AGBL4: variants seen among roughly 807,000 people sequenced by gnomAD.
AGBL4 encodes cytosolic carboxypeptidase 6.
Under a neutral mutation model 66.4 loss-of-function variants are expected in AGBL4, and 58 were observed. The observed-to-expected ratio is 0.87, with a 90% CI of 0.71 to 1.09. AGBL4 has a LOEUF of 1.09. Ranked by LOEUF, AGBL4 falls within the 50% of genes least tolerant of loss-of-function variation. The pLI, the probability that AGBL4 is intolerant of heterozygous loss-of-function variation, is 0.00. For synonymous variants in AGBL4, 234 were observed against 222.9 expected (o/e 1.05, Z -0.44); for missense variants, 579 against 631.0 (o/e 0.92, Z 0.88).
intron 6 of AGBL4, chr1:48,776,851 C>A: frequency 6.7e-7 from 1 of 1,486,906 alleles, no homozygotes; most frequent in Non-Finnish European, 8.9e-7. Context: ...CGGGGGCGGG[C>A]CCCGGTCGGG....
intron 6 of AGBL4, among the ~76,000 whole-genome samples, chr1:48,722,437 C>G (rs920934845): frequency 1.3e-5 from 2 of 152,094 alleles, no homozygotes; most frequent in Non-Finnish European, 2.9e-5. Flanking sequence ...AGGTGTGGCA[C>G]AGTGGCAGGT....
At chr1:48,936,262 A>G (rs1655468444) in intron 5 of AGBL4, among the ~76,000 whole-genome samples, 1 of 152,138 alleles carries the variant, frequency 6.6e-6, no homozygotes, top group Non-Finnish European at 1.5e-5. Flanking sequence ...TATCCTGACT[A>G]TGAAGAAAAA....
intron 6 of AGBL4, among the ~76,000 whole-genome samples, chr1:48,757,580 A>G (rs1644006681): frequency 6.6e-6 from 1 of 152,144 alleles, no homozygotes; most frequent in African/African-American, 2.4e-5. Flanking sequence ...TCCCAATGTC[A>G]TTTCCTTTTC....
At chr1:49,880,150 C>T (rs373264522) in intron 1 of AGBL4, among the ~76,000 whole-genome samples, 1 of 151,942 alleles carries the variant, frequency 6.6e-6, no homozygotes, top group Non-Finnish European at 1.5e-5. Context: ...TGAAGCCTTC[C>T]TCTCTCAGCT....
At chr1:49,691,873 C>T (rs1289030352) in intron 3 of AGBL4, among the ~76,000 whole-genome samples, 2 of 152,154 alleles carry the variant, frequency 1.3e-5, no homozygotes, top group Non-Finnish European at 2.9e-5. Context: ...CCTCGAACAT[C>T]GGACTCCAAG....
chr1:49,866,068 T>A, intron 1 of AGBL4: 1 of 195,942 alleles, frequency 5.1e-6, no homozygotes, highest in South Asian at 8.4e-5. Context: ...GAAAGAAGAA[T>A]AAAAAGAAAC....
intron 5 of AGBL4, among the ~76,000 whole-genome samples, chr1:48,891,429 A>T (rs930155090): frequency 1.3e-5 from 2 of 152,286 alleles, no homozygotes; most frequent in Middle Eastern, 3.4e-3. Context: ...CGTATTTTGG[A>T]CCAGGCACTA....
intron 6 of AGBL4, among the ~76,000 whole-genome samples, chr1:48,790,963 A>T (rs1158591773): frequency 6.6e-6 from 1 of 152,210 alleles, no homozygotes; most frequent in Non-Finnish European, 1.5e-5. Flanking sequence ...CTGTCTTGCC[A>T]TGTGATGCCT....
intron 6 of AGBL4, among the ~76,000 whole-genome samples, chr1:48,790,915 G>GA (rs1557997175): frequency 6.6e-6 from 1 of 151,776 alleles, no homozygotes; most frequent in Non-Finnish European, 1.5e-5. Context: ...CCTTATATCT[G>GA]AAAAAAAGAA....
At chr1:49,407,602 G>A (rs911225445) in intron 3 of AGBL4, among the ~76,000 whole-genome samples, 53 of 152,086 alleles carry the variant, frequency 3.5e-4, no homozygotes, top group African/African-American at 1.3e-3. Context: ...TTACTTCTGA[G>A]ATGATACACT....
chr1:49,909,315 T>G (rs1338216388), intron 1 of AGBL4, among the ~76,000 whole-genome samples: 2 of 152,196 alleles, frequency 1.3e-5, no homozygotes, highest in African/African-American at 2.4e-5. Flanking sequence ...TATTATATGT[T>G]TCTTTGCAAG....
chr1:48,572,619 G>A (rs1239567168), intron 11 of AGBL4, among the ~76,000 whole-genome samples: 1 of 152,048 alleles, frequency 6.6e-6, no homozygotes, highest in African/African-American at 2.4e-5. Context: ...AACGGGGAAT[G>A]AAAGAGGAAA....
intron 3 of AGBL4, chr1:49,268,943 A>T (rs1250683906): frequency 1.3e-5 from 2 of 152,220 alleles, no homozygotes; most frequent in Non-Finnish European, 1.5e-5. Context: ...ACACCTTTGA[A>T]TTTGGGCTGA....
chr1:49,015,937 C>T (rs1251849873), intron 5 of AGBL4, among the ~76,000 whole-genome samples: 4 of 152,098 alleles, frequency 2.6e-5, no homozygotes, highest in Non-Finnish European at 5.9e-5. Context: ...CATCTTAATT[C>T]TACTCTGTGA....
In AGBL4 at chr1:49,710,760, A is replaced by T. The variant is rs143007199; in HGVS notation, c.158-13323T>A. 9.2e-5 allele frequency among the ~76,000 whole-genome samples: 14 copies of T among 152,032 alleles called. No individual in the cohort carries two copies. In the East Asian group the frequency reaches 2.7e-3, roughly 29 times the overall value. ...ATAAACAGATACCAAAAATCACTTTACCTCTTTAGTTCTCTGAAAGGCAGT... is the reference window on the plus strand; with the variant it reads ...ATAAACAGATACCAAAAATCACTTTTCCTCTTTAGTTCTCTGAAAGGCAGT... On this transcript the variant is annotated intron_variant, in intron 2 of 13. Transcript: ENST00000371839.
chr1:49,060,503 A>C (rs1304459244), intron 4 of AGBL4, among the ~76,000 whole-genome samples: 1 of 152,148 alleles, frequency 6.6e-6, no homozygotes, highest in Admixed American at 6.5e-5. Flanking sequence ...ATTGTCACTG[A>C]GCCCTAACAT....
intron 1 of AGBL4, among the ~76,000 whole-genome samples, chr1:49,987,266 T>C (rs1007618015): frequency 1.3e-5 from 2 of 152,066 alleles, no homozygotes; most frequent in African/African-American, 4.8e-5. Context: ...GTTTTGAAAT[T>C]ATTTATTCCA....
intron 3 of AGBL4, among the ~76,000 whole-genome samples, chr1:49,650,693 A>G (rs1430896280): frequency 6.6e-6 from 1 of 152,230 alleles, no homozygotes; most frequent in Non-Finnish European, 1.5e-5. Flanking sequence ...GGAAAATTGC[A>G]GGATCCCTTC....
chr1:49,756,006 C>T (rs561779859), intron 2 of AGBL4, among the ~76,000 whole-genome samples: 50 of 152,260 alleles, frequency 3.3e-4, no homozygotes, highest in Non-Finnish European at 5.6e-4. Context: ...TCCAGACTCA[C>T]GCCAAAATTT....
Sources: allele counts gnomAD v4.1 joint callset (sites outside exome capture counted in the v4.1 genomes callset), GRCh38; gene constraint gnomAD v4.1.1; transcripts MANE v1.5; gene names NCBI Gene and HGNC (gene_info 2026-07-23, HGNC 2026-07-21).